The following CRTC1 variants were observed in gnomAD, a reference collection of about 807,000 sequenced individuals.
The protein encoded by CRTC1 is CREB-regulated transcription coactivator 1.
CRTC1 carries 18 observed loss-of-function variants against 66.1 expected under a neutral mutation model. The observed-to-expected ratio is 0.27, with a 90% CI of 0.19 to 0.40. CRTC1 has a LOEUF of 0.40. CRTC1 is among the 10% of genes least tolerant of loss of function. The probability of loss-of-function intolerance (pLI) is 1.00; values close to 1 mark genes in which losing one functional copy is unlikely to be tolerated. For missense variants in CRTC1, 669 were observed against 887.9 expected, an observed-to-expected ratio of 0.75 and a Z score of 3.13; for synonymous variants, 416 against 398.8, an observed-to-expected ratio of 1.04 and a Z score of -0.51.
At position 18,781,353 on chromosome 19, in the gene CRTC1, CA is replaced by C. The variant is rs1465394221; in HGVS notation, c.*3972del. 2 of 229,038 alleles carry C rather than the reference CA, an allele frequency of 8.7e-6. No homozygotes were observed. Among genetic ancestry groups the C allele is most frequent in the African/African-American group, 4.4e-5 (2 of 45,044 alleles). The allele number at this position is 229,038 out of a possible 1,614,324, so 14.2% of individuals were successfully genotyped here. A position where few individuals can be genotyped will look rare whatever the true frequency, so the allele number is the denominator to read the frequency against. ...CTTTCTACCCCCATTCACCATGGAC[CA>C]GGGGCCTCCATTTCCTGGGGGCTCT... On this transcript the variant is annotated 3_prime_UTR_variant, in exon 14 of 14. Transcript: ENST00000321949.
intron 7 of CRTC1, 52 bp from the exon 8 acceptor site, chr19:18,759,956 G>GCCAGCCCCCTGTCCCGCCA: frequency 8.2e-7 from 1 of 1,221,318 alleles, no homozygotes; most frequent in Non-Finnish European, 1.2e-6. Context: ...TGTCCCCGCC[G>GCCAGCCCCCTGTCCCGCCA]CCAGCCCCGC....
chr19:18,703,493 C>A (rs1435727089), intron 1 of CRTC1, among the ~76,000 whole-genome samples: 1 of 152,084 alleles, frequency 6.6e-6, no homozygotes, highest in African/African-American at 2.4e-5. Flanking sequence ...GAGTCTTGTT[C>A]TGTCGCCTAG....
At chr19:18,719,964 T>C (rs541200032) in intron 1 of CRTC1, among the ~76,000 whole-genome samples, 1 of 152,308 alleles carries the variant, frequency 6.6e-6, no homozygotes, top group Non-Finnish European at 1.5e-5. Context: ...GGGCCGCTCT[T>C]GGGGAGGGAG....
intron 1 of CRTC1, 50 bp downstream of exon 1, chr19:18,683,878 G>GGGGC: frequency 9.8e-7 from 1 of 1,021,580 alleles, no homozygotes; most frequent in Non-Finnish European, 1.2e-6. Context: ...AGGGAGGGAG[G>GGGGC]GGGCGCGTGT....
At chr19:18,753,115 AT>A (rs1396398099) in intron 5 of CRTC1, among the ~76,000 whole-genome samples, 1 of 151,722 alleles carries the variant, frequency 6.6e-6, no homozygotes, top group African/African-American at 2.4e-5. Flanking sequence ...AATAAAAAAA[AT>A]AAAAAAAAAA....
At chr19:18,742,141 C>G (rs151154531) in intron 1 of CRTC1, among the ~76,000 whole-genome samples, 1 of 152,328 alleles carries the variant, frequency 6.6e-6, no homozygotes, top group Non-Finnish European at 1.5e-5. Flanking sequence ...GCCTCTGTTA[C>G]TGGCAAATCA....
rs1173804936 is a variant in CRTC1, at chr19:18,701,922, GTTTTTTT to G, written c.126+18106_126+18112del. Among the ~76,000 whole-genome samples, 34 of 114,074 alleles carry G rather than the reference GTTTTTTT, an allele frequency of 3.0e-4. 1 individual carries two copies. The highest frequency in any genetic ancestry group is 9.1e-4 in the African/African-American group (28 of 30,684). 74.8% of individuals were successfully genotyped at this position (114,074 alleles called of 152,430 possible). On this transcript the variant is annotated intron_variant, in intron 1 of 13. Transcript: ENST00000321949. ...CATGAGCCACCGCGCCCACCGTTTTGTTTTTTTTTTTTTTTTTTGAGACGGAGTTTCA... is the reference window on the plus strand; with the variant it reads ...CATGAGCCACCGCGCCCACCGTTTTGTTTTTTTTTTTGAGACGGAGTTTCA...
intron 1 of CRTC1, among the ~76,000 whole-genome samples, chr19:18,717,231 G>T (rs2053529562): frequency 1.3e-5 from 2 of 152,048 alleles, no homozygotes; most frequent in South Asian, 4.1e-4. Flanking sequence ...GGGCTGAGAG[G>T]GGGCTGCTGG....
chr19:18,777,822 G>T lies in CRTC1; in HGVS notation c.*440G>T. The T allele has an allele frequency of 3.4e-6, 1 of 292,910 alleles. No homozygotes were observed. The highest frequency in any genetic ancestry group is 6.4e-6 in the Non-Finnish European group (1 of 156,224). The allele number at this position is 292,910 out of a possible 1,614,324, so 18.1% of individuals were successfully genotyped here. A position where few individuals can be genotyped will look rare whatever the true frequency, so the allele number is the denominator to read the frequency against. ...TGTCCAGCTCTCACTGCCTTCCTTGGTTCCCGGTCCCCCAGCCCATCCGCC... is the reference window on the plus strand; with the variant it reads ...TGTCCAGCTCTCACTGCCTTCCTTGTTTCCCGGTCCCCCAGCCCATCCGCC... On this transcript the variant is annotated 3_prime_UTR_variant, in exon 14 of 14. Coordinates refer to ENST00000321949, the MANE Select transcript of CRTC1 (RefSeq NM_015321.3). This position sits in a 1 kb window ranked among gnomAD's most constrained non-coding sequence, Gnocchi z 5.5.
chr19:18,700,862 T>C (rs1429182643), intron 1 of CRTC1, among the ~76,000 whole-genome samples: 1 of 152,230 alleles, frequency 6.6e-6, no homozygotes, highest in Non-Finnish European at 1.5e-5. Flanking sequence ...CTTCAGCGTC[T>C]CTTTCTCAAG....
rs2054172154 is a variant in CRTC1, at chr19:18,744,038, C to T, written c.243+1012C>T. The T allele has an allele frequency of 5.8e-6, 9 of 1,553,642 alleles. 1 individual carries two copies. The South Asian group carries it at 1.0e-4, about 18-fold the overall frequency. ...CGAGGCCCACAGCCCGGGGGGAGGTCCCACGCATCCCGCCTTTGGGGCCAG... is the reference window on the plus strand; with the variant it reads ...CGAGGCCCACAGCCCGGGGGGAGGTTCCACGCATCCCGCCTTTGGGGCCAG... On this transcript the variant is annotated intron_variant, in intron 2 of 13. Coordinates refer to ENST00000321949, the MANE Select transcript of CRTC1 (RefSeq NM_015321.3).
intron 1 of CRTC1, among the ~76,000 whole-genome samples, chr19:18,701,617 G>C (rs1365629652): frequency 1.3e-5 from 2 of 151,962 alleles, no homozygotes; most frequent in African/African-American, 4.8e-5. Context: ...TTTGTTTTTT[G>C]TTTTTTGAGA....
In CRTC1 at chr19:18,745,807, TCTC is replaced by T; in HGVS notation, c.244-8_244-6del. On this transcript the variant is annotated splice_polypyrimidine_tract_variant and intron_variant, in intron 2 of 13. Transcript: ENST00000321949. The stretch of plus-strand genomic sequence containing the variant: ...TTGGATTTCTCTCTCTCTGTTTCCA[TCTC>T]CTCCTCCCCCAGACCCCCTTCCAAT... 1 of 1,613,454 alleles carries T rather than the reference TCTC, an allele frequency of 6.2e-7. No individual in the cohort carries two copies. Among genetic ancestry groups the T allele is most frequent in the Non-Finnish European group, 8.5e-7 (1 of 1,179,810 alleles).
chr19:18,759,598 C>T lies in CRTC1; in HGVS notation c.665+7C>T, dbSNP rs1380899594. The T allele has an allele frequency of 1.9e-6, 3 of 1,612,538 alleles. No individual in the cohort carries two copies. The highest frequency in any genetic ancestry group is 2.5e-6 in the Non-Finnish European group (3 of 1,179,596). On this transcript the variant is annotated splice_region_variant and intron_variant, in intron 7 of 13. Transcript: ENST00000321949. ...GTGAGGTCCCCGGAATCAAGTAAGT[C>T]TCCACAGGGCCCACCCCGCACACTG...
chr19:18,698,310 A>C (rs540171651), intron 1 of CRTC1, among the ~76,000 whole-genome samples: 1 of 151,490 alleles, frequency 6.6e-6, no homozygotes, highest in Non-Finnish European at 1.5e-5. Flanking sequence ...GCAGGCGCTC[A>C]GCAGGCACAG....
At chr19:18,733,088 A>T (rs1311613945) in intron 1 of CRTC1, among the ~76,000 whole-genome samples, 1 of 129,928 alleles carries the variant, frequency 7.7e-6, no homozygotes, top group East Asian at 2.0e-4. Flanking sequence ...CCTGTCTCTT[A>T]AAAAAAAAAA....
intron 1 of CRTC1, among the ~76,000 whole-genome samples, chr19:18,723,579 G>A (rs1392678403): frequency 6.6e-6 from 1 of 152,242 alleles, no homozygotes; most frequent in East Asian, 1.9e-4. Context: ...CAGTTCACCG[G>A]GGACCCCAGG....
chr19:18,687,835 C>T (rs1263370467), intron 1 of CRTC1, among the ~76,000 whole-genome samples: 7 of 151,518 alleles, frequency 4.6e-5, no homozygotes, highest in South Asian at 2.1e-4. Flanking sequence ...GGCGTAAAGT[C>T]GGGAGACTGT....
chr19:18,753,055 G>A (rs967136598), intron 5 of CRTC1, among the ~76,000 whole-genome samples: 1 of 151,802 alleles, frequency 6.6e-6, no homozygotes, highest in Non-Finnish European at 1.5e-5. Context: ...CATGAGGTCA[G>A]GAGATCGAGA....
Sources: allele counts gnomAD v4.1 joint callset (sites outside exome capture counted in the v4.1 genomes callset), GRCh38; gene constraint gnomAD v4.1.1; non-coding constraint Gnocchi (gnomAD v3.1); transcripts MANE v1.5; gene names NCBI Gene and HGNC (gene_info 2026-07-23, HGNC 2026-07-21).